AGBL4: variants seen among roughly 807,000 people sequenced by gnomAD.
AGBL4 encodes cytosolic carboxypeptidase 6.
Under a neutral mutation model 66.4 loss-of-function variants are expected in AGBL4, and 58 were observed. That is an observed-to-expected ratio of 0.87 (90% CI 0.71 to 1.09). AGBL4 has a LOEUF of 1.09. AGBL4 is among the 50% of genes least tolerant of loss of function. AGBL4 has a pLI of 0.00. For missense variants in AGBL4, 579 were observed against 631.0 expected, an observed-to-expected ratio of 0.92 and a Z score of 0.88; for synonymous variants, 234 against 222.9, an observed-to-expected ratio of 1.05 and a Z score of -0.44.
intron 6 of AGBL4, among the ~76,000 whole-genome samples, chr1:48,715,738 G>A (rs887413091): frequency 1.3e-5 from 2 of 152,018 alleles, no homozygotes; most frequent in Non-Finnish European, 2.9e-5. Context: ...AAAATAAATG[G>A]CATTTTAAAT....
intron 6 of AGBL4, among the ~76,000 whole-genome samples, chr1:48,766,542 G>A (rs977525153): frequency 1.3e-5 from 2 of 152,214 alleles, no homozygotes; most frequent in Non-Finnish European, 2.9e-5. Context: ...ACAGAAACAA[G>A]TTGTGGCCAA....
rs1021062587 is a variant in AGBL4, at chr1:49,167,728, A to G, written c.377+78042T>C. On this transcript the variant is annotated intron_variant, in intron 4 of 13. Coordinates refer to ENST00000371839, the MANE Select transcript of AGBL4 (RefSeq NM_032785.4). Reference sequence around the variant, plus strand: ...TGAGATTCAGAATAGGAAGAAAAAAATTATATTTGTTTTAGAGAATGTTGC... The same window carrying G: ...TGAGATTCAGAATAGGAAGAAAAAAGTTATATTTGTTTTAGAGAATGTTGC... 5.3e-5 allele frequency among the ~76,000 whole-genome samples: 8 copies of G among 152,218 alleles called. No homozygotes were observed. In the East Asian group the frequency reaches 5.8e-4, roughly 11 times the overall value.
intron 6 of AGBL4, among the ~76,000 whole-genome samples, chr1:48,808,811 G>A (rs1000476706): frequency 3.3e-5 from 5 of 152,236 alleles, no homozygotes; most frequent in Non-Finnish European, 5.9e-5. Context: ...CCCTGGAGCC[G>A]TAGAAGGGCT....
Position 48,700,126 on chromosome 1 carries a change from C to T in AGBL4, c.635-36885G>A, listed in dbSNP as rs182915020. 2.2e-4 allele frequency among the ~76,000 whole-genome samples: 33 copies of T among 152,260 alleles called. No homozygotes were observed. In the South Asian group the frequency reaches 3.1e-3, roughly 14 times the overall value. On this transcript the variant is annotated intron_variant, in intron 6 of 13. Transcript: ENST00000371839. ...CTGTGCCCCTTTCCCTTCCCCTTGC[C>T]TCCACCTAGAAGGTGCCCAGCAGAT...
chr1:49,448,999 GATA>G (rs1265922665), intron 3 of AGBL4, among the ~76,000 whole-genome samples: 11 of 151,810 alleles, frequency 7.2e-5, no homozygotes, highest in African/African-American at 2.4e-4. Flanking sequence ...TTAATAAAAG[GATA>G]ATGTTTATAA....
chr1:49,509,972 G>A (rs1649058297), intron 3 of AGBL4, among the ~76,000 whole-genome samples: 1 of 151,986 alleles, frequency 6.6e-6, no homozygotes, highest in Non-Finnish European at 1.5e-5. Flanking sequence ...TGACAATTCA[G>A]CCTTTTATTC....
intron 3 of AGBL4, among the ~76,000 whole-genome samples, chr1:49,493,357 T>G (rs1213429418): frequency 1.3e-5 from 2 of 152,004 alleles, no homozygotes; most frequent in Non-Finnish European, 2.9e-5. Flanking sequence ...GCAACAGGCT[T>G]TATACTAAAA....
intron 4 of AGBL4, among the ~76,000 whole-genome samples, chr1:49,174,279 G>A (rs956672937): frequency 6.6e-6 from 1 of 152,050 alleles, no homozygotes; most frequent in Non-Finnish European, 1.5e-5. Context: ...CTATATAGGT[G>A]AGTTGAGTTG....
chr1:48,686,714 T>C (rs966442455), intron 6 of AGBL4, among the ~76,000 whole-genome samples: 5 of 152,226 alleles, frequency 3.3e-5, no homozygotes. Flanking sequence ...ACATGGCCTC[T>C]AGAAGTCCTG....
At chr1:49,909,715 C>T (rs1650627111) in intron 1 of AGBL4, among the ~76,000 whole-genome samples, 2 of 152,172 alleles carry the variant, frequency 1.3e-5, no homozygotes, top group South Asian at 4.2e-4. Context: ...CTGGCTACTA[C>T]CTGAAAAACT....
chr1:48,702,229 G>A (rs920788151), intron 6 of AGBL4, among the ~76,000 whole-genome samples: 1 of 151,996 alleles, frequency 6.6e-6, no homozygotes, highest in African/African-American at 2.4e-5. Context: ...CCTGAGTCCT[G>A]CACTGCCCTC....
At chr1:49,375,708 AT>A (rs1192437952) in intron 3 of AGBL4, among the ~76,000 whole-genome samples, 1 of 152,138 alleles carries the variant, frequency 6.6e-6, no homozygotes, top group East Asian at 1.9e-4. Flanking sequence ...ACAATTCATC[AT>A]TTCTTCACAG....
intron 3 of AGBL4, among the ~76,000 whole-genome samples, chr1:49,654,038 C>T (rs1646065310): frequency 6.6e-6 from 1 of 151,918 alleles, no homozygotes; most frequent in Non-Finnish European, 1.5e-5. Flanking sequence ...TCTCCAAGAT[C>T]GAAACGAAAG....
chr1:49,816,586 C>T (rs192236062), intron 2 of AGBL4, among the ~76,000 whole-genome samples: 10 of 152,230 alleles, frequency 6.6e-5, no homozygotes, highest in East Asian at 3.9e-4. Context: ...CAATAACCTA[C>T]GCTTGAAGAG....
chr1:49,595,432 C>T (rs1021541134), intron 3 of AGBL4, among the ~76,000 whole-genome samples: 1 of 152,036 alleles, frequency 6.6e-6, no homozygotes, highest in Non-Finnish European at 1.5e-5. Context: ...ATTTACAGTA[C>T]AGAAGGCTTA....
chr1:49,404,120 G>A (rs1398996431), intron 3 of AGBL4, among the ~76,000 whole-genome samples: 3 of 152,000 alleles, frequency 2.0e-5, no homozygotes, highest in Non-Finnish European at 2.9e-5. Flanking sequence ...AAATGCTTCT[G>A]GCCACCCCCC....
chr1:49,235,440 C>T (rs1650650750), intron 4 of AGBL4, among the ~76,000 whole-genome samples: 1 of 152,158 alleles, frequency 6.6e-6, no homozygotes, highest in Non-Finnish European at 1.5e-5. Context: ...ACATTTCATC[C>T]CCTTTTCTTG....
At chr1:49,245,710 G>T in intron 4 of AGBL4, 60 bp downstream of exon 4, 2 of 1,273,682 alleles carry the variant, frequency 1.6e-6, no homozygotes, top group African/African-American at 1.5e-5. Flanking sequence ...GTGTGTATAT[G>T]TATGGGGTCT....
intron 2 of AGBL4, among the ~76,000 whole-genome samples, chr1:49,843,534 G>A (rs1279501003): frequency 1.3e-5 from 2 of 152,174 alleles, no homozygotes; most frequent in African/African-American, 4.8e-5. Context: ...GGGTGGTCAA[G>A]TCTCACATCT....
Sources: allele counts gnomAD v4.1 joint callset (sites outside exome capture counted in the v4.1 genomes callset), GRCh38; gene constraint gnomAD v4.1.1; transcripts MANE v1.5; gene names NCBI Gene and HGNC (gene_info 2026-07-23, HGNC 2026-07-21).